UBR7: variants seen among roughly 807,000 people sequenced by gnomAD.
UBR7 encodes ubiquitin protein ligase E3 component n-recognin 7, also known as putative E3 ubiquitin-protein ligase UBR7.
UBR7 carries 22 observed loss-of-function variants against 57.0 expected under a neutral mutation model. That is an observed-to-expected ratio of 0.39 (90% CI 0.28 to 0.55). The LOEUF is 0.55. Among genes scored for constraint, UBR7 ranks in the 20% least tolerant of loss-of-function variants. UBR7 has a pLI of 0.69. For synonymous variants in UBR7, 167 were observed against 179.8 expected, an observed-to-expected ratio of 0.93 and a Z score of 0.57; for missense variants, 395 against 513.2, an observed-to-expected ratio of 0.77 and a Z score of 2.23.
chr14:93,215,199 G>A lies in UBR7; in HGVS notation c.519G>A (p.Glu173=). Residue 173 remains glutamate (E), a synonymous_variant, in exon 6 of 11, where the codon GAG becomes GAA. Transcript: ENST00000013070. ...AGCATCTTGGTGCCATTCCCCCTGA[G>A]AGTGGGGATTTTCAGGAGATGGTAT... ...HGRHLGAIPP[E]SGDFQEMVCQ... 6.3e-7 allele frequency: 1 copy of A among 1,584,330 alleles called. No individual in the cohort carries two copies. Among genetic ancestry groups the A allele is most frequent in the South Asian group, 1.2e-5 (1 of 86,748 alleles).
Position 93,220,286 on chromosome 14 carries a change from A to G in UBR7, c.998A>G (p.Asp333Gly). 1.2e-6 allele frequency: 2 copies of G among 1,609,270 alleles called. No individual in the cohort carries two copies. Among genetic ancestry groups the G allele is most frequent in the East Asian group, 2.2e-5 (1 of 44,700 alleles). ...GATCTAGATGTCTTATTCCTGACAG[A>G]TGAATACGACACAGTTCTGGCTTAT... ...YGDLDVLFLT[D>G]EYDTVLAYEN... Residue 333 changes from aspartate to glycine, a missense_variant, in exon 9 of 11, where the codon GAT becomes GGT. Asp to Gly is a moderately conservative substitution (Grantham distance 94). Coordinates refer to ENST00000013070, the MANE Select transcript of UBR7 (RefSeq NM_175748.4).
In UBR7 at chr14:93,227,817, A is replaced by G; in HGVS notation, c.*782A>G. 1 of 700,820 alleles carries G rather than the reference A, an allele frequency of 1.4e-6. No homozygotes were observed. Among genetic ancestry groups the G allele is most frequent in the Non-Finnish European group, 2.6e-6 (1 of 384,824 alleles). 43.4% of individuals were successfully genotyped at this position (700,820 alleles called of 1,614,324 possible). Reference sequence around the variant, plus strand: ...CTTCCTGGAGAACATTTGCCCGTATACTAGTCCCTTCTCTGCTGCCTAGAA... The same window carrying G: ...CTTCCTGGAGAACATTTGCCCGTATGCTAGTCCCTTCTCTGCTGCCTAGAA... On this transcript the variant is annotated 3_prime_UTR_variant, in exon 11 of 11. Coordinates refer to ENST00000013070, the MANE Select transcript of UBR7 (RefSeq NM_175748.4).
chr14:93,224,798 G>A (rs1266974832), intron 10 of UBR7, among the ~76,000 whole-genome samples: 2 of 152,172 alleles, frequency 1.3e-5, no homozygotes, highest in Non-Finnish European at 2.9e-5. Flanking sequence ...GGGTGTAATG[G>A]GGCACTCTGC....
rs765626191 is a variant in UBR7 at position 93,227,821 on chromosome 14, G to A, written c.*786G>A. 1.6e-5 allele frequency: 11 copies of A among 700,688 alleles called. No homozygotes were observed. Among genetic ancestry groups the A allele is most frequent in the Non-Finnish European group, 2.3e-5 (9 of 384,844 alleles). The allele number at this position is 700,688 out of a possible 1,614,324, so 43.4% of individuals were successfully genotyped here. A position where few individuals can be genotyped will look rare whatever the true frequency, so the allele number is the denominator to read the frequency against. Reference sequence around the variant, plus strand: ...CTGGAGAACATTTGCCCGTATACTAGTCCCTTCTCTGCTGCCTAGAAAACA... The same window carrying A: ...CTGGAGAACATTTGCCCGTATACTAATCCCTTCTCTGCTGCCTAGAAAACA... On this transcript the variant is annotated 3_prime_UTR_variant, in exon 11 of 11. Coordinates refer to ENST00000013070, the MANE Select transcript of UBR7 (RefSeq NM_175748.4).
At chr14:93,217,019 C>T (rs1421810271) in intron 6 of UBR7, among the ~76,000 whole-genome samples, 2 of 151,830 alleles carry the variant, frequency 1.3e-5, no homozygotes, top group Non-Finnish European at 2.9e-5. Flanking sequence ...GTGTAGTTCT[C>T]ATTCATTGGG....
chr14:93,214,958 C>G lies in UBR7; in HGVS notation c.471C>G (p.Val157=). 1 of 1,613,856 alleles carries G rather than the reference C, an allele frequency of 6.2e-7. No homozygotes were observed. Among genetic ancestry groups the G allele is most frequent in the East Asian group, 2.2e-5 (1 of 44,876 alleles). ...CAGATGAGATGATCCAGTGCGTAGT[C>G]TGTGAAGACTGGTTCCATGGAAGGG... is the stretch of plus-strand genomic sequence containing the variant. The part of the protein sequence containing the change: ...EIPDEMIQCV[V]CEDWFHGRHL... The change falls in exon 5 of 11, where the codon GTC becomes GTG. Residue 157 remains valine (V), a synonymous_variant. Transcript: ENST00000013070.
chr14:93,223,834 G>A, intron 10 of UBR7: 1 of 749,608 alleles, frequency 1.3e-6, no homozygotes, highest in Non-Finnish European at 2.4e-6. Context: ...CGCCCGCGGT[G>A]GTCAGGTCCC....
At chr14:93,210,584 G>T (rs1381326662) in intron 2 of UBR7, 64 bp from the exon 3 acceptor site, 1 of 1,427,158 alleles carries the variant, frequency 7.0e-7, no homozygotes, top group Non-Finnish European at 9.7e-7. Flanking sequence ...TTGAATGCTT[G>T]AAGAAATTTT....
chr14:93,221,103 GC>G (rs1311866787), intron 9 of UBR7, among the ~76,000 whole-genome samples: 1 of 148,432 alleles, frequency 6.7e-6, no homozygotes, highest in Non-Finnish European at 1.5e-5. Context: ...ATGCCACTGC[GC>G]CCCCCCAATT....
intron 10 of UBR7, chr14:93,223,876 C>G: frequency 1.4e-6 from 1 of 739,854 alleles, no homozygotes; most frequent in Non-Finnish European, 2.5e-6. Context: ...GGGCGCCGCT[C>G]CGGGAGTCAT....
rs747761467 is a variant in UBR7, at chr14:93,228,456, G to A, written c.*1421G>A. 14 of 453,994 alleles carry A rather than the reference G, an allele frequency of 3.1e-5. No individual in the cohort carries two copies. The highest frequency in any genetic ancestry group is 6.2e-5 in the Non-Finnish European group (14 of 226,802). The allele number at this position is 453,994 out of a possible 1,614,324, so 28.1% of individuals were successfully genotyped here. ...TACTCCTTATGTGTCCAGCATCTGT[G>A]TATTCATTCGAGTGCCCAATCCCTG... is the stretch of plus-strand genomic sequence containing the variant. On this transcript the variant is annotated 3_prime_UTR_variant, in exon 11 of 11. Transcript: ENST00000013070.
At chr14:93,223,812 A>C in intron 10 of UBR7, 1 of 745,464 alleles carries the variant, frequency 1.3e-6, no homozygotes, top group East Asian at 2.5e-5. Context: ...TCTCGGTAGC[A>C]CTGGGTAACA....
intron 10 of UBR7, among the ~76,000 whole-genome samples, chr14:93,225,238 T>A (rs190676228): frequency 6.6e-6 from 1 of 152,176 alleles, no homozygotes; most frequent in East Asian, 1.9e-4. Context: ...TATTTGTCCA[T>A]AGGGATAATG....
At chr14:93,219,185 A>G in intron 7 of UBR7, 27 bp from the exon 8 acceptor site, 1 of 1,612,790 alleles carries the variant, frequency 6.2e-7, no homozygotes, top group Non-Finnish European at 8.5e-7. Context: ...TTTAAAAAAC[A>G]TGCTTCAAAA....
intron 10 of UBR7, chr14:93,223,507 T>C (rs1260144810): frequency 3.3e-6 from 2 of 599,722 alleles, no homozygotes; most frequent in Admixed American, 5.9e-5. Flanking sequence ...TCTGTCTACC[T>C]ACTTTAGGTC....
chr14:93,209,137 G>T (rs1263393), intron 1 of UBR7, among the ~76,000 whole-genome samples: 23,630 of 152,090 alleles, frequency 0.16, 2,153 homozygotes, highest in South Asian at 0.25. Context: ...TTAACATTTT[G>T]TCACATTTGT....
intron 3 of UBR7, 60 bp downstream of exon 3, chr14:93,210,768 G>A (rs1894466286): frequency 5.6e-6 from 8 of 1,439,522 alleles, no homozygotes; most frequent in East Asian, 4.6e-5. Flanking sequence ...ATTTGCCAGA[G>A]TGGGTAAAAA....
intron 3 of UBR7, 65 bp downstream of exon 3, chr14:93,210,773 TA>T: frequency 2.9e-6 from 4 of 1,374,462 alleles, no homozygotes; most frequent in Non-Finnish European, 4.1e-6. Context: ...CCAGAGTGGG[TA>T]AAAAAACAAA....
chr14:93,217,201 A>G (rs1054462005), intron 6 of UBR7, among the ~76,000 whole-genome samples: 1 of 150,574 alleles, frequency 6.6e-6, no homozygotes, highest in African/African-American at 2.4e-5. Context: ...TAATTCTTCT[A>G]TTTTTAGTAG....
Sources: allele counts gnomAD v4.1 joint callset (sites outside exome capture counted in the v4.1 genomes callset), GRCh38; gene constraint gnomAD v4.1.1; transcripts MANE v1.5; gene names NCBI Gene and HGNC (gene_info 2026-07-23, HGNC 2026-07-21).